SUMF1: variants seen among roughly 807,000 people sequenced by gnomAD.
SUMF1 encodes the protein formylglycine-generating enzyme.
SUMF1 carries 48 observed loss-of-function variants against 47.6 expected under a neutral mutation model. That is an observed-to-expected ratio of 1.01 (90% CI 0.80 to 1.28). The LOEUF is 1.28. Ranked by LOEUF, SUMF1 falls within the 50% of genes most tolerant of loss-of-function variation. SUMF1 has a pLI of 0.00. For synonymous variants in SUMF1, 230 were observed against 192.1 expected, an observed-to-expected ratio of 1.20 and a Z score of -1.63; for missense variants, 571 against 485.4, an observed-to-expected ratio of 1.18 and a Z score of -1.66.
chr3:4,231,937 T>A (rs1186116754), intron 8 of SUMF1, among the ~76,000 whole-genome samples: 2 of 152,158 alleles, frequency 1.3e-5, no homozygotes, highest in Non-Finnish European at 2.9e-5. Flanking sequence ...AGGAAAAAGA[T>A]GCATTTCTTA....
chr3:4,129,069 G>T lies in SUMF1; in HGVS notation c.1015-60324C>A, dbSNP rs374752237. Among the ~76,000 whole-genome samples the T allele has an allele frequency of 7.9e-5, 12 of 152,236 alleles. 2 individuals carry two copies. The highest frequency in any genetic ancestry group is 6.5e-5 in the Admixed American group (1 of 15,282). ...CTTTAGACCTACTCATCCCAGCTGG[G>T]AGGATACAGAAGATAAACCCTCGAC... On this transcript the variant is annotated intron_variant and NMD_transcript_variant, in intron 8 of 12. Transcript: ENST00000448413.
At chr3:4,438,333 T>C (rs1702469989) in intron 3 of SUMF1, among the ~76,000 whole-genome samples, 1 of 152,186 alleles carries the variant, frequency 6.6e-6, no homozygotes, top group Non-Finnish European at 1.5e-5. Flanking sequence ...GAGGCTCCTC[T>C]GAACTCTCCT....
intron 2 of SUMF1, among the ~76,000 whole-genome samples, chr3:4,450,290 A>C (rs1702925936): frequency 6.6e-6 from 1 of 152,166 alleles, no homozygotes; most frequent in African/African-American, 2.4e-5. Flanking sequence ...TTTCAATCTC[A>C]TCAAATTAAC....
chr3:4,301,341 T>C (rs1159621738), intron 8 of SUMF1, among the ~76,000 whole-genome samples: 2 of 152,088 alleles, frequency 1.3e-5, no homozygotes, highest in African/African-American at 4.8e-5. Context: ...AGGAAATAGG[T>C]AAAGTCTGGG....
chr3:4,168,923 T>C lies in SUMF1; in HGVS notation c.1015-100178A>G, dbSNP rs113540228. 2.8e-4 allele frequency among the ~76,000 whole-genome samples: 42 copies of C among 152,304 alleles called. 3 individuals carry two copies. The highest frequency in any genetic ancestry group is 9.9e-4 in the African/African-American group (41 of 41,564). ...TCTTCCACTAATTGAGCACATGCTA[T>C]ATTCAATAACCATGGTAGATATTGT... On this transcript the variant is annotated intron_variant and NMD_transcript_variant, in intron 8 of 12. Coordinates refer to the SUMF1 transcript ENST00000448413.
At chr3:4,292,299 A>G (rs1697756254) in intron 8 of SUMF1, among the ~76,000 whole-genome samples, 1 of 152,242 alleles carries the variant, frequency 6.6e-6, no homozygotes, top group Non-Finnish European at 1.5e-5. Flanking sequence ...GCATGTCTTA[A>G]GTCATTGATT....
chr3:4,341,604 AT>A (rs1485107609), intron 8 of SUMF1, among the ~76,000 whole-genome samples: 7 of 152,266 alleles, frequency 4.6e-5, no homozygotes, highest in African/African-American at 1.7e-4. Context: ...TGCAAGAGAG[AT>A]TTTTTGACAC....
intron 3 of SUMF1, among the ~76,000 whole-genome samples, chr3:4,449,014 C>T (rs777193732): frequency 7.2e-5 from 11 of 152,200 alleles, no homozygotes; most frequent in African/African-American, 9.7e-5. Flanking sequence ...TACCTAGCAA[C>T]ACTGTGTGTT....
At chr3:4,408,074 C>T (rs1701429569) in intron 7 of SUMF1, among the ~76,000 whole-genome samples, 1 of 152,172 alleles carries the variant, frequency 6.6e-6, no homozygotes, top group Non-Finnish European at 1.5e-5. Flanking sequence ...TAGATCTCAA[C>T]CTCCACAATT....
At chr3:4,281,033 G>A (rs1697519010) in intron 8 of SUMF1, among the ~76,000 whole-genome samples, 2 of 152,176 alleles carry the variant, frequency 1.3e-5, no homozygotes, top group South Asian at 2.1e-4. Context: ...TTTGAGTGGG[G>A]TAACAGTGGG....
intron 8 of SUMF1, among the ~76,000 whole-genome samples, chr3:4,207,034 T>G (rs35629785): frequency 0.3 from 45,262 of 151,928 alleles, 7,471 homozygotes; most frequent in Middle Eastern, 0.42. Context: ...CTCTTAGCAA[T>G]GTTTTATAGT....
intron 1 of SUMF1, among the ~76,000 whole-genome samples, chr3:4,459,628 T>A (rs1462994084): frequency 6.6e-6 from 1 of 152,222 alleles, no homozygotes; most frequent in Non-Finnish European, 1.5e-5. Context: ...GTCTAATGTA[T>A]TACTACTATC....
intron 8 of SUMF1, among the ~76,000 whole-genome samples, chr3:4,214,383 G>C (rs1695870041): frequency 6.6e-6 from 1 of 152,132 alleles, no homozygotes; most frequent in Non-Finnish European, 1.5e-5. Context: ...CAATGTACTA[G>C]AATATCTGGG....
In SUMF1 at chr3:4,466,783, C is replaced by G. The variant is rs143097219; in HGVS notation, c.270+193G>C. 2.9e-3 allele frequency among the ~76,000 whole-genome samples: 448 copies of G among 152,280 alleles called. 3 individuals are homozygous for G. The highest frequency in any genetic ancestry group is 0.01 in the African/African-American group (433 of 41,546). ...TAACAATAACCCTCAAACCAAACTC[C>G]CTAATGGTCAATTAAATGGAGTCTT... On this transcript the variant is annotated intron_variant, in intron 1 of 8. Transcript: ENST00000272902.
chr3:4,058,756 G>A (rs1398610308), intron 9 of SUMF1, among the ~76,000 whole-genome samples: 1 of 152,242 alleles, frequency 6.6e-6, no homozygotes, highest in African/African-American at 2.4e-5. Flanking sequence ...TCTGGGAGAA[G>A]AAAAGTTTTC....
chr3:4,261,337 GGAA>G (rs143283644), intron 8 of SUMF1, among the ~76,000 whole-genome samples: 1,980 of 152,260 alleles, frequency 0.013, 42 homozygotes, highest in African/African-American at 0.044. Context: ...GTAAGTAAAA[GGAA>G]GAAGAAGATA....
At chr3:4,281,493 G>T (rs946833461) in intron 8 of SUMF1, among the ~76,000 whole-genome samples, 13 of 152,134 alleles carry the variant, frequency 8.5e-5, no homozygotes, top group East Asian at 3.9e-4. Flanking sequence ...TACAGGTAAA[G>T]TAACTGAGAT....
chr3:4,383,260 T>A (rs899994385), intron 7 of SUMF1, among the ~76,000 whole-genome samples: 2 of 152,018 alleles, frequency 1.3e-5, no homozygotes, highest in African/African-American at 4.8e-5. Flanking sequence ...ACACCTATAA[T>A]TCCAGCTTTT....
At chr3:4,271,504 T>C (rs557912443) in intron 8 of SUMF1, among the ~76,000 whole-genome samples, 37 of 151,366 alleles carry the variant, frequency 2.4e-4, no homozygotes, top group Admixed American at 1.6e-3. Context: ...GATAGATAGA[T>C]AGATAGATAG....
Sources: gnomAD v4.1 joint callset for allele counts (sites outside exome capture counted in the v4.1 genomes callset) on GRCh38, gnomAD v4.1.1 for gene constraint, MANE v1.5 for transcripts, NCBI Gene and HGNC (gene_info 2026-07-23, HGNC 2026-07-21) for gene names.